PCDH15: variants seen among roughly 807,000 people sequenced by gnomAD.
PCDH15 encodes protocadherin related 15, also known as protocadherin-15.
Under a neutral mutation model 178.5 loss-of-function variants are expected in PCDH15, and 129 were observed. The observed-to-expected ratio is 0.72, with a 90% CI of 0.63 to 0.84. The LOEUF is 0.84. Ranked by LOEUF, PCDH15 falls within the 40% of genes least tolerant of loss-of-function variation. The pLI is 0.00. For missense variants in PCDH15, 2,230 were observed against 2,099.9 expected (o/e 1.06, Z -1.21); for synonymous variants, 800 against 732.0 (o/e 1.09, Z -1.50).
intron 2 of PCDH15, among the ~76,000 whole-genome samples, chr10:55,065,821 A>T (rs1841550210): frequency 6.6e-6 from 1 of 151,930 alleles, no homozygotes; most frequent in Non-Finnish European, 1.5e-5. Flanking sequence ...CTCCTTCTTA[A>T]ACTTTAAAGT....
intron 9 of PCDH15, among the ~76,000 whole-genome samples, chr10:54,223,288 C>G (rs1180900110): frequency 1.1e-3 from 62 of 56,234 alleles, no homozygotes; most frequent in South Asian, 4.7e-4. Context: ...CCAGCCTGGG[C>G]AACAAAACTA....
intron 2 of PCDH15, among the ~76,000 whole-genome samples, chr10:55,551,489 A>G (rs1421131073): frequency 2.0e-5 from 3 of 151,884 alleles, no homozygotes; most frequent in Admixed American, 1.3e-4. Context: ...TATTTATTCT[A>G]TAAGTAGTAA....
At chr10:55,141,644 A>T (rs1327437564) in intron 2 of PCDH15, among the ~76,000 whole-genome samples, 1 of 152,096 alleles carries the variant, frequency 6.6e-6, no homozygotes, top group African/African-American at 2.4e-5. Context: ...AAATGCTTTT[A>T]TATTTTAAGA....
intron 21 of PCDH15, among the ~76,000 whole-genome samples, chr10:53,980,383 G>A (rs2090537286): frequency 6.6e-6 from 1 of 152,130 alleles, no homozygotes; most frequent in Non-Finnish European, 1.5e-5. Context: ...TTTTAAAAAT[G>A]TGTGGGATTC....
intron 2 of PCDH15, among the ~76,000 whole-genome samples, chr10:55,021,566 C>A (rs1840329102): frequency 6.6e-6 from 1 of 152,156 alleles, no homozygotes; most frequent in Non-Finnish European, 1.5e-5. Context: ...AGAAGTGAGT[C>A]TTGACCTTTA....
intron 25 of PCDH15, among the ~76,000 whole-genome samples, chr10:53,918,561 A>G (rs1482497910): frequency 6.6e-6 from 1 of 152,232 alleles, no homozygotes; most frequent in Non-Finnish European, 1.5e-5. Flanking sequence ...CTATATTTGG[A>G]TATCAACTGA....
In PCDH15 at chr10:54,508,984, T is replaced by C. The variant is rs973925904; in HGVS notation, c.157+18828A>G. 2.6e-5 allele frequency among the ~76,000 whole-genome samples: 4 copies of C among 152,298 alleles called. 1 individual carries two copies. The South Asian group carries it at 8.3e-4, about 32-fold the overall frequency. On this transcript the variant is annotated intron_variant, in intron 3 of 37. Transcript: ENST00000644397. The stretch of plus-strand genomic sequence containing the variant: ...ATAGCCTAAAGGTAATTTTAAATGA[T>C]ATTTTAAATAATTTTGTGATATTTT...
intron 1 of PCDH15, among the ~76,000 whole-genome samples, chr10:55,213,771 T>C (rs1840630420): frequency 6.6e-6 from 1 of 151,906 alleles, no homozygotes; most frequent in Non-Finnish European, 1.5e-5. Context: ...ACTTCTTTAT[T>C]GCATTTGTTA....
At chr10:54,535,684 T>C (rs1290359457) in intron 2 of PCDH15, among the ~76,000 whole-genome samples, 1 of 113,840 alleles carries the variant, frequency 8.8e-6, no homozygotes, top group Non-Finnish European at 1.6e-5. Flanking sequence ...CACTCCAGCC[T>C]GGCAGACAGA....
chr10:55,621,987 C>G (rs1919697), intron 2 of PCDH15, among the ~76,000 whole-genome samples: 2 of 141,308 alleles, frequency 1.4e-5, no homozygotes, highest in Non-Finnish European at 3.0e-5. Flanking sequence ...CGTTCTCTCT[C>G]TATATATATT....
intron 2 of PCDH15, among the ~76,000 whole-genome samples, chr10:55,621,589 G>C (rs1397356513): frequency 2.6e-5 from 4 of 152,162 alleles, no homozygotes; most frequent in African/African-American, 7.2e-5. Context: ...ATGGTTAGCT[G>C]CGCATGTGAG....
At chr10:54,690,854 TAAG>T (rs1269031219) in intron 1 of PCDH15, among the ~76,000 whole-genome samples, 4 of 152,078 alleles carry the variant, frequency 2.6e-5, no homozygotes, top group Admixed American at 6.6e-5. Context: ...ATTAGGTGCA[TAAG>T]AAGATGACCA....
intron 1 of PCDH15, among the ~76,000 whole-genome samples, chr10:54,679,202 A>C (rs1038735578): frequency 6.6e-6 from 1 of 151,746 alleles, no homozygotes; most frequent in Admixed American, 6.6e-5. Flanking sequence ...AAAAAAAAAA[A>C]AAAAAAAAAC....
chr10:55,262,409 G>A lies in PCDH15; in HGVS notation c.-156+57190C>T, dbSNP rs138353705. Among the ~76,000 whole-genome samples, 47 of 152,268 alleles carry A rather than the reference G, an allele frequency of 3.1e-4. No homozygotes were observed. The Middle Eastern group carries it at 0.01, about 33-fold the overall frequency. On this transcript the variant is annotated intron_variant, in intron 1 of 5. Coordinates refer to the PCDH15 transcript ENST00000458638. ...TCCTAAGACCACCCTGGCCCACCAT[G>A]CTTTCATCCTGTGCTTATAAAAACA...
intron 2 of PCDH15, among the ~76,000 whole-genome samples, chr10:54,568,144 T>G (rs2089303376): frequency 6.6e-6 from 1 of 152,096 alleles, no homozygotes; most frequent in African/African-American, 2.4e-5. Context: ...TGTCATACAC[T>G]TGGCTTCAGT....
At chr10:55,623,924 A>T (rs574119268) in intron 2 of PCDH15, among the ~76,000 whole-genome samples, 4 of 152,138 alleles carry the variant, frequency 2.6e-5, no homozygotes, top group Non-Finnish European at 5.9e-5. Flanking sequence ...GCATCACAAT[A>T]GTGGCATCCT....
At chr10:54,772,777 A>G (rs1280013609) in intron 1 of PCDH15, among the ~76,000 whole-genome samples, 2 of 152,184 alleles carry the variant, frequency 1.3e-5, no homozygotes, top group African/African-American at 4.8e-5. Flanking sequence ...ATATACCCAA[A>G]GGAATATAAA....
intron 2 of PCDH15, among the ~76,000 whole-genome samples, chr10:54,959,943 T>C (rs1166584860): frequency 6.6e-6 from 1 of 152,122 alleles, no homozygotes; most frequent in Non-Finnish European, 1.5e-5. Flanking sequence ...CAATTATGTT[T>C]AGAGACAATG....
At chr10:55,038,290 A>T (rs1472776875) in intron 2 of PCDH15, among the ~76,000 whole-genome samples, 2 of 152,188 alleles carry the variant, frequency 1.3e-5, no homozygotes, top group Non-Finnish European at 2.9e-5. Flanking sequence ...ATTTTCTCCA[A>T]GAGTAAGTTT....
Sources: allele counts gnomAD v4.1 joint callset (sites outside exome capture counted in the v4.1 genomes callset), GRCh38; gene constraint gnomAD v4.1.1; transcripts MANE v1.5; gene names NCBI Gene and HGNC (gene_info 2026-07-23, HGNC 2026-07-21).